GSK3B: variants seen among roughly 807,000 people sequenced by gnomAD.
GSK3B encodes glycogen synthase kinase 3 beta.
Under a neutral mutation model 56.4 loss-of-function variants are expected in GSK3B, and 15 were observed. That is an observed-to-expected ratio of 0.27 (90% CI 0.18 to 0.41). The LOEUF is 0.41. Ranked by LOEUF, GSK3B falls within the 10% of genes least tolerant of loss-of-function variation. The probability of loss-of-function intolerance (pLI) is 1.00; values close to 1 mark genes in which losing one functional copy is unlikely to be tolerated. For missense variants in GSK3B, 300 were observed against 513.4 expected (o/e 0.58, Z 4.02); for synonymous variants, 181 against 188.9 (o/e 0.96, Z 0.34).
chr3:119,906,205 G>A (rs112225037), intron 6 of GSK3B, among the ~76,000 whole-genome samples: 10 of 152,162 alleles, frequency 6.6e-5, no homozygotes, highest in East Asian at 3.9e-4. Context: ...GTGACACAAC[G>A]TCTGCATATT....
chr3:119,983,548 G>A (rs575519500), intron 2 of GSK3B, among the ~76,000 whole-genome samples: 1 of 151,794 alleles, frequency 6.6e-6, no homozygotes, highest in African/African-American at 2.4e-5. Context: ...AAAAAAGCAG[G>A]GGTTGCAATC....
At chr3:119,842,820 G>C (rs2055795322) in intron 10 of GSK3B, among the ~76,000 whole-genome samples, 1 of 151,846 alleles carries the variant, frequency 6.6e-6, no homozygotes, top group African/African-American at 2.4e-5. Flanking sequence ...TTTTATTCAG[G>C]TTTACTCATT....
chr3:119,922,535 T>G (rs1009597269), intron 4 of GSK3B, among the ~76,000 whole-genome samples: 3 of 144,836 alleles, frequency 2.1e-5, no homozygotes, highest in Admixed American at 2.0e-4. Flanking sequence ...ATTATTATTA[T>G]TATTATTAGC....
At chr3:120,048,985 T>A (rs2058125739) in intron 1 of GSK3B, among the ~76,000 whole-genome samples, 1 of 152,184 alleles carries the variant, frequency 6.6e-6, no homozygotes, top group Non-Finnish European at 1.5e-5. Context: ...AAAATCCCTA[T>A]ACATGTCAAG....
At chr3:119,925,261 A>T (rs147108964) in intron 3 of GSK3B, among the ~76,000 whole-genome samples, 2 of 152,320 alleles carry the variant, frequency 1.3e-5, no homozygotes, top group African/African-American at 4.8e-5. Flanking sequence ...CCTGGGAGGC[A>T]AAGGTTGCAA....
intron 2 of GSK3B, among the ~76,000 whole-genome samples, chr3:119,996,594 G>A (rs898209092): frequency 2.0e-5 from 3 of 147,232 alleles, no homozygotes; most frequent in Non-Finnish European, 4.5e-5. Context: ...GTTTTATTTA[G>A]TGTTTTTTTT....
chr3:119,992,218 C>T (rs1377595207), intron 2 of GSK3B, among the ~76,000 whole-genome samples: 1 of 151,990 alleles, frequency 6.6e-6, no homozygotes, highest in East Asian at 1.9e-4. Context: ...TTAAAACATA[C>T]TATAAAGTCT....
At chr3:119,850,411 C>T (rs2055914070) in intron 9 of GSK3B, among the ~76,000 whole-genome samples, 1 of 152,178 alleles carries the variant, frequency 6.6e-6, no homozygotes, top group Non-Finnish European at 1.5e-5. Flanking sequence ...TTCATCTGTT[C>T]AGTCTTCTCT....
At chr3:120,077,318 A>G (rs554767298) in intron 1 of GSK3B, among the ~76,000 whole-genome samples, 9 of 152,352 alleles carry the variant, frequency 5.9e-5, no homozygotes, top group South Asian at 2.1e-4. Context: ...GTGTATATAT[A>G]TATGTGTGTG....
At chr3:119,975,911 A>G (rs2057404788) in intron 2 of GSK3B, among the ~76,000 whole-genome samples, 2 of 152,220 alleles carry the variant, frequency 1.3e-5, no homozygotes, top group Admixed American at 6.5e-5. Flanking sequence ...CTGTAAAACT[A>G]CAACTGTTCA....
In GSK3B at chr3:120,019,853, C is replaced by T. The variant is rs148863756; in HGVS notation, c.89-17614G>A. Among the ~76,000 whole-genome samples the T allele has an allele frequency of 1.4e-4, 21 of 152,266 alleles. No individual in the cohort carries two copies. In the East Asian group the frequency reaches 3.7e-3, roughly 27 times the overall value. Reference sequence around the variant, plus strand: ...GTTCTGGTGTTAACTACTATTCTTGCCATATTATTTTCTATTATGTGTCAC... The same window carrying T: ...GTTCTGGTGTTAACTACTATTCTTGTCATATTATTTTCTATTATGTGTCAC... On this transcript the variant is annotated intron_variant, in intron 1 of 10. Transcript: ENST00000264235.
intron 4 of GSK3B, 70 bp downstream of exon 4, chr3:119,923,303 C>A: frequency 1.1e-5 from 8 of 758,100 alleles, no homozygotes; most frequent in Non-Finnish European, 1.6e-5. Flanking sequence ...ATAGTTAAAA[C>A]ATAAAAGAGG....
intron 2 of GSK3B, among the ~76,000 whole-genome samples, chr3:119,968,619 G>A (rs1198882605): frequency 1.3e-5 from 2 of 151,996 alleles, no homozygotes; most frequent in East Asian, 3.9e-4. Context: ...GCTTGATAAA[G>A]TACAATAAAA....
chr3:119,841,505 A>G (rs1168819235), intron 10 of GSK3B, among the ~76,000 whole-genome samples: 1 of 152,208 alleles, frequency 6.6e-6, no homozygotes, highest in African/African-American at 2.4e-5. Flanking sequence ...GGCCAGTATT[A>G]AATTTGTTAA....
chr3:119,920,390 C>T (rs2056827852), intron 4 of GSK3B, among the ~76,000 whole-genome samples: 1 of 152,150 alleles, frequency 6.6e-6, no homozygotes, highest in Non-Finnish European at 1.5e-5. Flanking sequence ...CAGGTGTGCT[C>T]CAGGATGCCC....
chr3:119,852,646 C>A (rs1306915461), intron 9 of GSK3B, among the ~76,000 whole-genome samples: 2 of 152,176 alleles, frequency 1.3e-5, no homozygotes, highest in Non-Finnish European at 2.9e-5. Flanking sequence ...CTGCACCCAG[C>A]CCAGAACTCT....
At chr3:119,942,320 C>T (rs989251890) in intron 3 of GSK3B, among the ~76,000 whole-genome samples, 14 of 151,856 alleles carry the variant, frequency 9.2e-5, no homozygotes, top group Admixed American at 1.3e-4. Flanking sequence ...TTTTTTGAGA[C>T]GGAGTTTCAC....
In GSK3B at chr3:120,094,356, C is replaced by A; in HGVS notation, c.-922G>T. On this transcript the variant is annotated 5_prime_UTR_variant, in exon 1 of 11. Transcript: ENST00000264235. ...CGGCTGCGGGGCCGGCTCCTCCTCG[C>A]TTCCTTCCTTCCTTTGTCACTTGGC... 1 of 290,726 alleles carries A rather than the reference C, an allele frequency of 3.4e-6. No individual in the cohort carries two copies. Among genetic ancestry groups the A allele is most frequent in the South Asian group, 5.1e-5 (1 of 19,448 alleles). 18.0% of individuals were successfully genotyped at this position (290,726 alleles called of 1,614,324 possible). A position where few individuals can be genotyped will look rare whatever the true frequency, so the allele number is the denominator to read the frequency against.
chr3:119,841,388 C>T (rs750339117), intron 10 of GSK3B, among the ~76,000 whole-genome samples: 1 of 152,118 alleles, frequency 6.6e-6, no homozygotes, highest in Non-Finnish European at 1.5e-5. Flanking sequence ...CATTTTTATA[C>T]ACAGTGTAAA....
Sources: gnomAD v4.1 joint callset for allele counts (sites outside exome capture counted in the v4.1 genomes callset) on GRCh38, gnomAD v4.1.1 for gene constraint, MANE v1.5 for transcripts, NCBI Gene and HGNC (gene_info 2026-07-23, HGNC 2026-07-21) for gene names.